RCC1L: variants seen among roughly 807,000 people sequenced by gnomAD.
RCC1L encodes the protein RCC1 like.
Under a neutral mutation model 58.6 loss-of-function variants are expected in RCC1L, and 46 were observed. The ratio of observed to expected loss-of-function variants is 0.79; its 90% CI spans 0.62 to 1.00. RCC1L has a LOEUF of 1.00. RCC1L is among the 50% of genes least tolerant of loss of function. RCC1L has a pLI of 0.00. For missense variants in RCC1L, 636 were observed against 623.6 expected, an observed-to-expected ratio of 1.02 and a Z score of -0.21; for synonymous variants, 281 against 262.9, an observed-to-expected ratio of 1.07 and a Z score of -0.67.
Position 75,056,028 on chromosome 7 carries a change from A to T in RCC1L, c.1104T>A (p.Gly368=), listed in dbSNP as rs782446762. 3 of 1,613,932 alleles carry T rather than the reference A, an allele frequency of 1.9e-6. No homozygotes were observed. In the Admixed American group the frequency reaches 5.0e-5, roughly 27 times the overall value. The change falls in exon 9 of 11, where the codon GGT becomes GGA. Residue 368 remains glycine, a synonymous_variant. Coordinates refer to ENST00000610322, the MANE Select transcript of RCC1L (RefSeq NM_030798.5). ...GGACGGCACTTTCCACTAGGTTTGGACCTTTCCCAAGAATTCCATAGCCCC... is the reference window on the plus strand; with the variant it reads ...GGACGGCACTTTCCACTAGGTTTGGTCCTTTCCCAAGAATTCCATAGCCCC... ...FVWGYGILGK[G]PNLVESAVPE...
chr7:75,042,997 C>A lies in RCC1L; in HGVS notation c.*35G>T. The A allele has an allele frequency of 6.2e-7, 1 of 1,613,942 alleles. No homozygotes were observed. The highest frequency in any genetic ancestry group is 1.1e-5 in the South Asian group (1 of 91,074). ...CCTCTGCCAAGGAGTGCCAGTGGTT[C>A]CCGGGACGGGGCCGCCCAAGCAGGT... On this transcript the variant is annotated 3_prime_UTR_variant, in exon 11 of 11. Transcript: ENST00000610322.
intron 2 of RCC1L, among the ~76,000 whole-genome samples, chr7:75,069,700 T>C (rs1005210773): frequency 6.6e-6 from 1 of 152,064 alleles, no homozygotes; most frequent in African/African-American, 2.4e-5. Context: ...TAGCTGGGAC[T>C]ATACAGGTGC....
At position 75,073,665 on chromosome 7, in the gene RCC1L, G is replaced by A. The variant is rs1554446561; in HGVS notation, c.73C>T (p.His25Tyr). The A allele has an allele frequency of 5.4e-6, 8 of 1,488,428 alleles. No individual in the cohort carries two copies. The allele number at this position is 1,488,428 out of a possible 1,614,324, so 92.2% of individuals were successfully genotyped here. A position where few individuals can be genotyped will look rare whatever the true frequency, so the allele number is the denominator to read the frequency against. Reference sequence around the variant, plus strand: ...CGGGAGCGCCCGGCCGCCGTCCAGTGCCCTCGCCCCAGCCCCGGCCCGCTC... The same window carrying A: ...CGGGAGCGCCCGGCCGCCGTCCAGTACCCTCGCCCCAGCCCCGGCCCGCTC... ...RLSGPGLGRG[H>Y]WTAAGRSRSR... The change falls in exon 1 of 11, where the codon CAC becomes TAC. Residue 25 changes from histidine (H) to tyrosine (Y), a missense_variant. Physicochemically the swap from His to Tyr is moderately conservative, Grantham distance 83 (BLOSUM62 2). Transcript: ENST00000610322.
downstream of RCC1L, among the ~76,000 whole-genome samples, chr7:75,038,083 G>C (rs1017874974): frequency 6.6e-6 from 1 of 152,200 alleles, no homozygotes; most frequent in Non-Finnish European, 1.5e-5. Context: ...CCTGGTGCAC[G>C]ATCACAGGCA....
In RCC1L at chr7:75,070,708, G is replaced by A. The variant is rs782713125; in HGVS notation, c.386C>T (p.Thr129Met). 7 of 1,614,044 alleles carry A rather than the reference G, an allele frequency of 4.3e-6. No homozygotes were observed. Among genetic ancestry groups the A allele is most frequent in the Non-Finnish European group, 5.1e-6 (6 of 1,180,006 alleles). The change falls in exon 2 of 11, where the codon ACG becomes ATG. Residue 129 changes from threonine (T) to methionine (M), a missense_variant. By Grantham distance (81) the Thr-to-Met change is moderately conservative. Transcript: ENST00000610322. The stretch of plus-strand genomic sequence containing the variant: ...GTTGAGTCCCATCCCCCAGACTTTC[G>A]TAACATCCGCAGTCTTAGAGGACAG... The part of the protein sequence containing the change: ...TLLSSKTADV[T>M]KVWGMGLNKD...
exon 11 of RCC1L, chr7:75,027,907 C>A: frequency 9.3e-7 from 1 of 1,072,728 alleles, no homozygotes; most frequent in South Asian, 1.3e-5. Context: ...ATCTCCTGGT[C>A]TGCTGGGTGG....
intron 9 of RCC1L, among the ~76,000 whole-genome samples, chr7:75,054,431 T>C (rs1449609261): frequency 1.3e-5 from 2 of 152,198 alleles, no homozygotes; most frequent in African/African-American, 4.8e-5. Context: ...CGCTGTGACC[T>C]GAAATGGCTA....
chr7:75,034,396 A>T (rs1805388900), intron 10 of RCC1L, among the ~76,000 whole-genome samples: 1 of 152,148 alleles, frequency 6.6e-6, no homozygotes, highest in Non-Finnish European at 1.5e-5. Context: ...TGTGCCTGTA[A>T]TTTCAGCTAC....
intron 3 of RCC1L, among the ~76,000 whole-genome samples, chr7:75,066,186 T>A (rs1345974147): frequency 6.6e-6 from 1 of 152,036 alleles, no homozygotes; most frequent in Non-Finnish European, 1.5e-5. Flanking sequence ...GTGCAGTGGC[T>A]CACGCCTGTA....
downstream of RCC1L, among the ~76,000 whole-genome samples, chr7:75,040,955 C>T (rs1182543950): frequency 1.3e-5 from 2 of 152,024 alleles, no homozygotes; most frequent in South Asian, 2.1e-4. Context: ...CGGTGGCTCA[C>T]GCCTGTAATC....
chr7:75,071,749 T>C (rs1164640887), intron 1 of RCC1L, among the ~76,000 whole-genome samples: 4 of 152,112 alleles, frequency 2.6e-5, no homozygotes, highest in Non-Finnish European at 5.9e-5. Flanking sequence ...TTACCAACTG[T>C]GTGATCTGAG....
Position 75,042,801 on chromosome 7 carries a change from A to G in RCC1L, c.*231T>C. 1.4e-6 allele frequency: 2 copies of G among 1,435,770 alleles called. No homozygotes were observed. Among genetic ancestry groups the G allele is most frequent in the Non-Finnish European group, 1.8e-6 (2 of 1,090,608 alleles). The allele number at this position is 1,435,770 out of a possible 1,614,324, so 88.9% of individuals were successfully genotyped here. A position where few individuals can be genotyped will look rare whatever the true frequency, so the allele number is the denominator to read the frequency against. ...ACGTGCGGGCCACAGCGGCCCACCA[A>G]AGGCTGCCATCCAAGCTGAGTTCCG... On this transcript the variant is annotated 3_prime_UTR_variant, in exon 11 of 11. Coordinates refer to ENST00000610322, the MANE Select transcript of RCC1L (RefSeq NM_030798.5).
At chr7:75,035,170 A>G (rs1805409820) in intron 10 of RCC1L, among the ~76,000 whole-genome samples, 3 of 152,184 alleles carry the variant, frequency 2.0e-5, no homozygotes, top group Non-Finnish European at 4.4e-5. Context: ...AGCTAGGACT[A>G]TAGGCACACA....
At chr7:75,027,918 G>A (rs1041519150) in exon 11 of RCC1L, 295 of 1,171,998 alleles carry the variant, frequency 2.5e-4, no homozygotes, top group Non-Finnish European at 3.0e-4. Context: ...TGCTGGGTGG[G>A]AGGGTCTCTC....
chr7:75,057,538 C>A lies in RCC1L; in HGVS notation c.1048G>T (p.Val350Leu), dbSNP rs1000252114. 3.9e-5 allele frequency: 63 copies of A among 1,613,850 alleles called. No homozygotes were observed. The highest frequency in any genetic ancestry group is 5.2e-5 in the Non-Finnish European group (61 of 1,179,874). The change falls in exon 8 of 11, where the codon GTG becomes TTG. Residue 350 changes from valine (V) to leucine (L), a missense_variant. By Grantham distance (32) the Val-to-Leu change is conservative (BLOSUM62 1). Transcript: ENST00000610322. ...QAACGGTGCA[V>L]LNGEGHVFVW... Reference sequence around the variant, plus strand: ...GGAAAGAAGGTCTCACCGTTTAACACTGCACAGCCCGTGCCACCGCATGCA... The same window carrying A: ...GGAAAGAAGGTCTCACCGTTTAACAATGCACAGCCCGTGCCACCGCATGCA...
At chr7:75,050,599 C>G (rs963362377) in intron 10 of RCC1L, among the ~76,000 whole-genome samples, 5 of 152,124 alleles carry the variant, frequency 3.3e-5, no homozygotes. Context: ...AAGTCCTTTT[C>G]GAAAGAAAGG....
chr7:75,046,353 C>T (rs1208851382), intron 10 of RCC1L, among the ~76,000 whole-genome samples: 1 of 152,252 alleles, frequency 6.6e-6, no homozygotes, highest in Non-Finnish European at 1.5e-5. Flanking sequence ...GCAACCTCCC[C>T]AGCCATTAGG....
chr7:75,052,903 G>T, intron 9 of RCC1L, 107 bp from the exon 10 acceptor site: 1 of 1,051,956 alleles, frequency 9.5e-7, no homozygotes, highest in Non-Finnish European at 1.4e-6. Context: ...TACCTACAGA[G>T]CCCACTGTTC....
chr7:75,033,429 C>G (rs1302946174), intron 10 of RCC1L, among the ~76,000 whole-genome samples: 4 of 152,014 alleles, frequency 2.6e-5, no homozygotes, highest in Non-Finnish European at 4.4e-5. Flanking sequence ...GGTGCAGTGA[C>G]TCAACGCCTG....
Sources: allele counts gnomAD v4.1 joint callset (sites outside exome capture counted in the v4.1 genomes callset), GRCh38; gene constraint gnomAD v4.1.1; transcripts MANE v1.5; gene names NCBI Gene and HGNC (gene_info 2026-07-23, HGNC 2026-07-21).